The following TRMT44 variants were observed in gnomAD, a reference collection of about 807,000 sequenced individuals.
TRMT44 encodes the protein tRNA methyltransferase 44 homolog, also known as probable tRNA (uracil-O(2)-)-methyltransferase.
TRMT44 carries 78 observed loss-of-function variants against 77.3 expected under a neutral mutation model. The ratio of observed to expected loss-of-function variants is 1.01; its 90% CI spans 0.84 to 1.22. The LOEUF is 1.22. TRMT44 is among the 50% of genes most tolerant of loss of function. The pLI is 0.00. For synonymous variants in TRMT44, 391 were observed against 383.3 expected, an observed-to-expected ratio of 1.02 and a Z score of -0.23; for missense variants, 1,090 against 964.4, an observed-to-expected ratio of 1.13 and a Z score of -1.73.
chr4:8,460,565 TC>T (rs1726083447), intron 6 of TRMT44, among the ~76,000 whole-genome samples: 1 of 122,210 alleles, frequency 8.2e-6, no homozygotes, highest in Non-Finnish European at 1.8e-5. Flanking sequence ...TTGGCCTCAC[TC>T]TTTTTTTTTT....
chr4:8,501,112 C>G, the TRMT44 span, among the ~76,000 whole-genome samples: 2 of 152,188 alleles, frequency 1.3e-5, no homozygotes, highest in Non-Finnish European at 2.9e-5. The surrounding 1 kb of genome is among the most constrained non-coding windows in gnomAD (Gnocchi z 4.4). Context: ...GGCAGGTGGT[C>G]GTGCCACTGC....
chr4:8,458,987 C>T (rs1725983913), intron 6 of TRMT44, among the ~76,000 whole-genome samples: 1 of 151,270 alleles, frequency 6.6e-6, no homozygotes, highest in Non-Finnish European at 1.5e-5. Flanking sequence ...TCACTTGAGT[C>T]CAGGAGTGCG....
At chr4:8,454,866 G>A (rs1225053692) in intron 6 of TRMT44, 53 bp downstream of exon 6, 1 of 1,520,120 alleles carries the variant, frequency 6.6e-7, no homozygotes, top group African/African-American at 1.4e-5. Context: ...AGCTCCCAGT[G>A]GGAATTGCTG....
In TRMT44 at chr4:8,460,824, T is replaced by G. The variant is rs190657950; in HGVS notation, c.1204-3161T>G. Among the ~76,000 whole-genome samples the G allele has an allele frequency of 1.5e-3, 223 of 151,200 alleles. 1 individual carries two copies. The highest frequency in any genetic ancestry group is 5.2e-3 in the African/African-American group (214 of 41,148). ...CCTCGGCCTCCCAAAGTGCTGGGAT[T>G]ATAGGCATGAGCCACCACACGCAGC... On this transcript the variant is annotated intron_variant, in intron 6 of 10. Coordinates refer to ENST00000389737, the MANE Select transcript of TRMT44 (RefSeq NM_152544.3).
chr4:8,441,776 T>C (rs1724724508), intron 1 of TRMT44, among the ~76,000 whole-genome samples: 1 of 152,178 alleles, frequency 6.6e-6, no homozygotes, highest in South Asian at 2.1e-4. Context: ...CAAAGTCCGG[T>C]GGCGACGAAG....
Position 8,486,230 on chromosome 4 carries a change from C to T in TRMT44, n.3891+6697C>T, listed in dbSNP as rs1341923774. ...ATTCCTTGGCCTGGTGGCCAGATTT[C>T]TGGCACTTGTAGCAAGCTCCTGGGG... On this transcript the variant is annotated intron_variant and non_coding_transcript_variant, in intron 2 of 2. Coordinates refer to the TRMT44 transcript ENST00000511366. Among the ~76,000 whole-genome samples, 4 of 152,324 alleles carry T rather than the reference C, an allele frequency of 2.6e-5. No individual in the cohort carries two copies. In the East Asian group the frequency reaches 7.7e-4, roughly 29 times the overall value.
chr4:8,505,259 T>C, the TRMT44 span, among the ~76,000 whole-genome samples: 1 of 152,214 alleles, frequency 6.6e-6, no homozygotes, highest in East Asian at 1.9e-4. Flanking sequence ...ATCTTCCATC[T>C]GCGAACAGGA....
At chr4:8,448,315 C>T (rs535545049) in intron 2 of TRMT44, among the ~76,000 whole-genome samples, 12 of 152,312 alleles carry the variant, frequency 7.9e-5, no homozygotes, top group South Asian at 2.1e-4. Context: ...AGGGCTGGCA[C>T]GCAGCGGGAA....
At chr4:8,484,162 CTAAG>C (rs147828053) in intron 2 of TRMT44, among the ~76,000 whole-genome samples, 1,574 of 152,120 alleles carry the variant, frequency 0.01, 28 homozygotes, top group African/African-American at 0.036. Flanking sequence ...CATCAATAAA[CTAAG>C]TGTGATCAGG....
chr4:8,465,796 G>T (rs1553859238), intron 8 of TRMT44, among the ~76,000 whole-genome samples: 1 of 152,188 alleles, frequency 6.6e-6, no homozygotes, highest in Non-Finnish European at 1.5e-5. Flanking sequence ...TCCTCGCCAA[G>T]CCCTCCTTGC....
At chr4:8,484,965 C>G (rs933666763) in intron 2 of TRMT44, among the ~76,000 whole-genome samples, 1 of 152,032 alleles carries the variant, frequency 6.6e-6, no homozygotes, top group Non-Finnish European at 1.5e-5. Flanking sequence ...GGGGGATACC[C>G]GATATCCTTT....
At chr4:8,507,473 C>T in the TRMT44 span, 1 of 153,208 alleles carries the variant, frequency 6.5e-6, no homozygotes, top group African/African-American at 2.4e-5. Context: ...AGCGCCTGCT[C>T]TGGGCGTTCC....
At chr4:8,443,314 G>T (rs1473392299) in intron 1 of TRMT44, among the ~76,000 whole-genome samples, 2 of 152,130 alleles carry the variant, frequency 1.3e-5, no homozygotes, top group Non-Finnish European at 2.9e-5. Flanking sequence ...GGGTAGGACA[G>T]AATTTTTTCC....
the TRMT44 span, among the ~76,000 whole-genome samples, chr4:8,500,307 T>A: frequency 2.6e-5 from 4 of 151,926 alleles, no homozygotes; most frequent in Non-Finnish European, 5.9e-5. Context: ...GCCTGGCCAA[T>A]ATCGTGTAAC....
chr4:8,474,622 C>G (rs1727244898), intron 10 of TRMT44, among the ~76,000 whole-genome samples: 2 of 152,250 alleles, frequency 1.3e-5, no homozygotes, highest in Non-Finnish European at 2.9e-5. Flanking sequence ...AGCTTTAATT[C>G]CTACACTTTC....
At chr4:8,491,397 C>T (rs1045634541) in intron 2 of TRMT44, among the ~76,000 whole-genome samples, 8 of 152,242 alleles carry the variant, frequency 5.3e-5, no homozygotes, top group African/African-American at 9.6e-5. Flanking sequence ...GCCAGTGCCA[C>T]GCTGTGCGCT....
intron 2 of TRMT44, among the ~76,000 whole-genome samples, chr4:8,484,662 C>A (rs1428924792): frequency 6.6e-6 from 1 of 152,032 alleles, no homozygotes; most frequent in Non-Finnish European, 1.5e-5. Flanking sequence ...AGAGAGGGGG[C>A]AGTTTCTAAA....
At chr4:8,480,414 C>T (rs545744621), downstream of TRMT44, among the ~76,000 whole-genome samples, 12 of 152,274 alleles carry the variant, frequency 7.9e-5, no homozygotes, top group South Asian at 2.1e-4. Context: ...CCTGCATGCA[C>T]GGTGCCCTCC....
chr4:8,455,682 A>G (rs1725761014), intron 6 of TRMT44, among the ~76,000 whole-genome samples: 2 of 152,328 alleles, frequency 1.3e-5, no homozygotes, highest in East Asian at 3.9e-4. Context: ...CTCATTTAAC[A>G]TCCCATTCTA....
Sources: gnomAD v4.1 joint callset for allele counts (sites outside exome capture counted in the v4.1 genomes callset) on GRCh38, gnomAD v4.1.1 for gene constraint, Gnocchi (gnomAD v3.1) non-coding constraint, MANE v1.5 for transcripts, NCBI Gene and HGNC (gene_info 2026-07-23, HGNC 2026-07-21) for gene names.